The following JADE1 variants were observed in gnomAD, a reference collection of about 807,000 sequenced individuals.
JADE1 encodes the protein jade family PHD finger 1.
JADE1 carries 14 observed loss-of-function variants against 81.8 expected under a neutral mutation model. That is an observed-to-expected ratio of 0.17 (90% CI 0.11 to 0.27). The LOEUF is 0.27. Among genes scored for constraint, JADE1 ranks in the 10% least tolerant of loss-of-function variants. The pLI is 1.00. For synonymous variants in JADE1, 353 were observed against 391.9 expected (o/e 0.90, Z 1.17); for missense variants, 690 against 1,047.9 (o/e 0.66, Z 4.71).
chr4:128,863,990 CAT>C (rs1731585643), intron 9 of JADE1: 1 of 985,234 alleles, frequency 1.0e-6, no homozygotes, highest in Non-Finnish European at 1.2e-6. Flanking sequence ...TAATTCTAAA[CAT>C]TTTTTTTGGA....
intron 1 of JADE1, among the ~76,000 whole-genome samples, chr4:128,821,474 G>A (rs1727560148): frequency 6.7e-6 from 1 of 150,146 alleles, no homozygotes; most frequent in Non-Finnish European, 1.5e-5. Context: ...TAATGGATAA[G>A]GAGTTGAAAT....
At chr4:128,859,806 C>T (rs1731172783) in intron 8 of JADE1, among the ~76,000 whole-genome samples, 1 of 152,138 alleles carries the variant, frequency 6.6e-6, no homozygotes, top group South Asian at 2.1e-4. Flanking sequence ...TTGCCATTGA[C>T]CTCTTTTTCC....
chr4:128,841,976 C>A (rs1425684997), intron 2 of JADE1, among the ~76,000 whole-genome samples: 1 of 152,064 alleles, frequency 6.6e-6, no homozygotes, highest in Admixed American at 6.6e-5. Flanking sequence ...CAGTTAGGTA[C>A]CATGTTCTGG....
At chr4:128,865,808 T>C (rs891083632) in intron 9 of JADE1, among the ~76,000 whole-genome samples, 1 of 152,222 alleles carries the variant, frequency 6.6e-6, no homozygotes, top group Non-Finnish European at 1.5e-5. Flanking sequence ...TTGAATAATA[T>C]ACAAAGTTCA....
intron 1 of JADE1, among the ~76,000 whole-genome samples, chr4:128,830,422 C>T (rs1028474622): frequency 2.0e-5 from 3 of 151,958 alleles, no homozygotes; most frequent in Non-Finnish European, 2.9e-5. Flanking sequence ...TTAGTAGAGA[C>T]GGAGTTTCAC....
At chr4:128,848,180 C>CT (rs900853746) in intron 4 of JADE1, among the ~76,000 whole-genome samples, 67 of 151,918 alleles carry the variant, frequency 4.4e-4, no homozygotes, top group African/African-American at 1.5e-3. Flanking sequence ...GTCTTATTTC[C>CT]TTTTTTTTGT....
At chr4:128,828,266 CTAGAT>C (rs1207949230) in intron 1 of JADE1, among the ~76,000 whole-genome samples, 1 of 152,100 alleles carries the variant, frequency 6.6e-6, no homozygotes, top group Non-Finnish European at 1.5e-5. Flanking sequence ...CTACTACTGT[CTAGAT>C]TAGTAATTAG....
chr4:128,814,640 C>T (rs1726828651), intron 1 of JADE1, among the ~76,000 whole-genome samples: 2 of 150,136 alleles, frequency 1.3e-5, no homozygotes, highest in East Asian at 3.9e-4. Context: ...GATCTCACTG[C>T]AACCTATGCC....
At chr4:128,812,465 C>T (rs1434256773) in intron 1 of JADE1, among the ~76,000 whole-genome samples, 3 of 152,050 alleles carry the variant, frequency 2.0e-5, no homozygotes, top group Admixed American at 6.5e-5. Flanking sequence ...TGCTGGGATC[C>T]TTAGCCTTCT....
At chr4:128,840,967 G>C (rs1729387581) in intron 2 of JADE1, among the ~76,000 whole-genome samples, 3 of 152,236 alleles carry the variant, frequency 2.0e-5, no homozygotes, top group Admixed American at 2.0e-4. Context: ...TGTTGTCCCT[G>C]TCAGGGAAGC....
chr4:128,863,098 G>C, intron 9 of JADE1: 1 of 985,714 alleles, frequency 1.0e-6, no homozygotes, highest in Non-Finnish European at 1.2e-6. Context: ...AGCCTCAGCT[G>C]CTGGCATTTC....
rs1553953485 is a variant in JADE1 at position 128,873,273 on chromosome 4, G to GAAAAAAAAAAAAAAAAAAAAA, written c.*1018_*1019insAAAAAAAAAAAAAAAAAAAAA. On this transcript the variant is annotated 3_prime_UTR_variant, in exon 11 of 11. Transcript: ENST00000226319. ...AGAAAAAGGAAAAAAAAAAAAAAAA[G>GAAAAAAAAAAAAAAAAAAAAA]AAAAAAAGAAAAAAAAAAGAAAAAA... 2 of 78,660 alleles carry GAAAAAAAAAAAAAAAAAAAAA rather than the reference G, an allele frequency of 2.5e-5. No homozygotes were observed. The highest frequency in any genetic ancestry group is 4.7e-5 in the African/African-American group (1 of 21,246). 4.9% of individuals were successfully genotyped at this position (78,660 alleles called of 1,614,324 possible). A position where few individuals can be genotyped will look rare whatever the true frequency, so the allele number is the denominator to read the frequency against.
At chr4:128,828,390 G>A (rs1182950484) in intron 1 of JADE1, among the ~76,000 whole-genome samples, 1 of 152,140 alleles carries the variant, frequency 6.6e-6, no homozygotes, top group African/African-American at 2.4e-5. Flanking sequence ...ATAGTAACAT[G>A]TATTTTGATT....
At chr4:128,860,934 T>C (rs1031931217) in intron 8 of JADE1, among the ~76,000 whole-genome samples, 13 of 152,144 alleles carry the variant, frequency 8.5e-5, no homozygotes, top group Admixed American at 7.9e-4. Context: ...TTCGCAAGTG[T>C]GAAGACCTTT....
intron 2 of JADE1, among the ~76,000 whole-genome samples, chr4:128,840,732 A>G (rs763712585): frequency 6.6e-6 from 1 of 152,252 alleles, no homozygotes; most frequent in Admixed American, 6.5e-5. Context: ...GGCTCACCCC[A>G]GTGTGCCCAG....
intron 5 of JADE1, among the ~76,000 whole-genome samples, chr4:128,850,891 A>C: frequency 6.6e-6 from 1 of 152,202 alleles, no homozygotes. Flanking sequence ...ACATAAACGG[A>C]ACGCATGCTT....
At chr4:128,838,538 C>T (rs529383977) in intron 2 of JADE1, among the ~76,000 whole-genome samples, 1 of 152,216 alleles carries the variant, frequency 6.6e-6, no homozygotes, top group Non-Finnish European at 1.5e-5. Context: ...AAATGCAAAC[C>T]AACCCAGTGT....
chr4:128,859,450 C>T (rs555355702), intron 8 of JADE1, among the ~76,000 whole-genome samples: 15 of 151,430 alleles, frequency 9.9e-5, no homozygotes, highest in Admixed American at 4.6e-4. Flanking sequence ...TGTGTATGCG[C>T]GTGAGTGCGT....
chr4:128,872,407 G>T lies in JADE1; in HGVS notation c.*145G>T. On this transcript the variant is annotated 3_prime_UTR_variant, in exon 11 of 11. Transcript: ENST00000226319. ...CAATTCAGATTAATTTTTTTCCAGA[G>T]TCATTTTTAAATCATTTTTGTGAGA... 1.5e-6 allele frequency: 1 copy of T among 687,808 alleles called. No homozygotes were observed. Among genetic ancestry groups the T allele is most frequent in the East Asian group, 2.7e-5 (1 of 36,390 alleles). The allele number at this position is 687,808 out of a possible 1,614,324, so 42.6% of individuals were successfully genotyped here.
Sources: allele counts gnomAD v4.1 joint callset (sites outside exome capture counted in the v4.1 genomes callset), GRCh38; gene constraint gnomAD v4.1.1; transcripts MANE v1.5; gene names NCBI Gene and HGNC (gene_info 2026-07-23, HGNC 2026-07-21).